Variants in PPIL6 observed in about 807,000 individuals in gnomAD.
PPIL6 encodes probable inactive peptidyl-prolyl cis-trans isomerase-like 6.
In PPIL6, 39 loss-of-function variants were observed where a neutral mutation model predicts 36.8. The ratio of observed to expected loss-of-function variants is 1.06; its 90% CI spans 0.82 to 1.38. The LOEUF (loss-of-function observed/expected upper bound fraction) is 1.38, where lower values mean the gene tolerates loss of function less well. PPIL6 is among the 40% of genes most tolerant of loss of function. The probability of loss-of-function intolerance (pLI) is 0.00; values close to 1 mark genes in which losing one functional copy is unlikely to be tolerated. For missense variants in PPIL6, 368 were observed against 379.1 expected, an observed-to-expected ratio of 0.97 and a Z score of 0.24; for synonymous variants, 123 against 134.1, an observed-to-expected ratio of 0.92 and a Z score of 0.57.
At chr6:109,397,539 T>A (rs534481958) in intron 7 of PPIL6, among the ~76,000 whole-genome samples, 2 of 152,304 alleles carry the variant, frequency 1.3e-5, no homozygotes, top group South Asian at 2.1e-4. Context: ...ACCTTGTCGC[T>A]CTTTTTCCCC....
intron 7 of PPIL6, among the ~76,000 whole-genome samples, chr6:109,396,057 G>A (rs1298227298): frequency 1.3e-5 from 2 of 151,938 alleles, no homozygotes; most frequent in Non-Finnish European, 2.9e-5. Context: ...GGATGGTCTC[G>A]ATCGCTTGAC....
At chr6:109,441,077 C>A (rs374122924), upstream of PPIL6, 14 of 1,608,704 alleles carry the variant, frequency 8.7e-6, no homozygotes, top group African/African-American at 1.9e-4. Flanking sequence ...CCGCGGCCGT[C>A]GCTGGAGAGT....
intron 1 of PPIL6, among the ~76,000 whole-genome samples, chr6:109,436,796 A>G (rs1403171171): frequency 6.6e-6 from 1 of 152,204 alleles, no homozygotes; most frequent in Admixed American, 6.5e-5. Context: ...CACCTGCCAC[A>G]ATCTCTGGCA....
At chr6:109,409,917 A>T (rs927490826) in intron 6 of PPIL6, among the ~76,000 whole-genome samples, 1 of 152,244 alleles carries the variant, frequency 6.6e-6, no homozygotes, top group African/African-American at 2.4e-5. Flanking sequence ...AGAAGAATCA[A>T]TATTATTTAA....
intron 6 of PPIL6, among the ~76,000 whole-genome samples, chr6:109,402,015 G>A (rs1303125559): frequency 1.3e-5 from 2 of 152,012 alleles, no homozygotes; most frequent in African/African-American, 2.4e-5. Context: ...GAGCCACCGC[G>A]CCCGGCCCAG....
At chr6:109,416,110 C>G (rs1773238470) in intron 6 of PPIL6, among the ~76,000 whole-genome samples, 1 of 151,852 alleles carries the variant, frequency 6.6e-6, no homozygotes, top group Non-Finnish European at 1.5e-5. Context: ...ATAAACCCAA[C>G]TGCATTGGCA....
chr6:109,416,897 G>C (rs1314505208), intron 6 of PPIL6, among the ~76,000 whole-genome samples: 1 of 152,072 alleles, frequency 6.6e-6, no homozygotes, highest in African/African-American at 2.4e-5. Flanking sequence ...GCTAGGCTTG[G>C]TGGCTCACAC....
At chr6:109,427,072 T>C (rs1246281861) in intron 4 of PPIL6, 22 bp downstream of exon 4, 1 of 1,601,596 alleles carries the variant, frequency 6.2e-7, no homozygotes, top group Admixed American at 1.7e-5. Context: ...CCCACAAACT[T>C]ACATATAAAA....
chr6:109,421,908 G>T lies in PPIL6; in HGVS notation c.632-2665C>A, dbSNP rs577509657. ...ATTTATTTTTTTGAGACAGAGTCTT[G>T]CTCTGTTGCCCAGGCTGGAGTGCAG... On this transcript the variant is annotated intron_variant, in intron 5 of 7. Coordinates refer to ENST00000521072, the MANE Select transcript of PPIL6 (RefSeq NM_173672.5). 3.3e-5 allele frequency among the ~76,000 whole-genome samples: 5 copies of T among 152,084 alleles called. No homozygotes were observed. In the East Asian group the frequency reaches 9.7e-4, roughly 30 times the overall value.
chr6:109,399,232 C>T (rs762323331), intron 7 of PPIL6, among the ~76,000 whole-genome samples: 24 of 151,894 alleles, frequency 1.6e-4, no homozygotes, highest in East Asian at 3.9e-4. Context: ...CTCAGCCTCC[C>T]GAGTAGCCGG....
Position 109,392,902 on chromosome 6 carries a change from A to G in PPIL6, c.860T>C (p.Leu287Pro), listed in dbSNP as rs776099194. The G allele has an allele frequency of 1.9e-6, 3 of 1,611,826 alleles. No individual in the cohort carries two copies. Among genetic ancestry groups the G allele is most frequent in the Non-Finnish European group, 2.5e-6 (3 of 1,178,568 alleles). ...TTCATTCTGTGTTGGAACTAATTCT[A>G]GTTGTTTAAGCACTTCTGTTCCTTC... Reference protein sequence around the residue: ...LIEGTEVLKQLELVPTQNERP... With the variant: ...LIEGTEVLKQPELVPTQNERP... The change falls in exon 8 of 8, where the codon CTA (leucine) becomes CCA (proline). Residue 287 changes from leucine to proline, a missense_variant. Physicochemically the swap from Leu to Pro is moderately conservative, Grantham distance 98 (BLOSUM62 -3). Transcript: ENST00000521072.
chr6:109,440,723 T>C (rs1285650609), upstream of PPIL6: 1 of 453,810 alleles, frequency 2.2e-6, no homozygotes, highest in Non-Finnish European at 3.0e-6. Flanking sequence ...GCTGGGCCTT[T>C]CCTCAACTTT....
At chr6:109,438,181 T>A (rs1774559720) in intron 1 of PPIL6, among the ~76,000 whole-genome samples, 1 of 152,092 alleles carries the variant, frequency 6.6e-6, no homozygotes, top group Non-Finnish European at 1.5e-5. Context: ...TTTCTTTGTG[T>A]TGGGAACATT....
chr6:109,430,660 T>C (rs1344616714), intron 3 of PPIL6, among the ~76,000 whole-genome samples: 1 of 152,146 alleles, frequency 6.6e-6, no homozygotes, highest in Non-Finnish European at 1.5e-5. Flanking sequence ...CTCTTGACCT[T>C]GTGATCCACC....
chr6:109,417,015 T>G (rs543626738), intron 6 of PPIL6, among the ~76,000 whole-genome samples: 1 of 151,682 alleles, frequency 6.6e-6, no homozygotes, highest in African/African-American at 2.4e-5. Flanking sequence ...AAATCTTTTT[T>G]TTAAAATTAG....
At chr6:109,430,148 GATGA>G (rs1480833698) in intron 3 of PPIL6, among the ~76,000 whole-genome samples, 1 of 152,230 alleles carries the variant, frequency 6.6e-6, no homozygotes, top group African/African-American at 2.4e-5. Flanking sequence ...GTTCAACAAG[GATGA>G]ATGAGACAAG....
intron 6 of PPIL6, among the ~76,000 whole-genome samples, chr6:109,400,833 G>GT (rs1352241786): frequency 6.6e-6 from 1 of 151,946 alleles, no homozygotes; most frequent in African/African-American, 2.4e-5. Flanking sequence ...GAAATTAATT[G>GT]TTTATTTTTA....
At chr6:109,401,916 G>C (rs1338748351) in intron 6 of PPIL6, among the ~76,000 whole-genome samples, 1 of 151,812 alleles carries the variant, frequency 6.6e-6, no homozygotes, top group Non-Finnish European at 1.5e-5. Flanking sequence ...GTGGAAACAG[G>C]GTTTCACCGT....
Position 109,431,242 on chromosome 6 carries a change from A to G in PPIL6, c.335T>C (p.Val112Ala), listed in dbSNP as rs199983515. ...ALDLQKWAHE[V>A]WDIVDIKPSA... Reference sequence around the variant, plus strand: ...GGGTTTAATGTCAACTATATCCCACACCTCGTGGGCCCATTTCTGCAGATC... The same window carrying G: ...GGGTTTAATGTCAACTATATCCCACGCCTCGTGGGCCCATTTCTGCAGATC... The change falls in exon 3 of 8, where the codon GTG becomes GCG. Residue 112 changes from valine (V) to alanine (A), a missense_variant. Val to Ala is a moderately conservative substitution (Grantham distance 64). Transcript: ENST00000521072. 727 of 1,612,408 alleles carry G rather than the reference A, an allele frequency of 4.5e-4. 6 individuals are homozygous for G. Among genetic ancestry groups the G allele is most frequent in the Middle Eastern group, 4.5e-3 (27 of 6,054 alleles).
Sources: allele counts gnomAD v4.1 joint callset (sites outside exome capture counted in the v4.1 genomes callset), GRCh38; gene constraint gnomAD v4.1.1; transcripts MANE v1.5; gene names NCBI Gene and HGNC (gene_info 2026-07-23, HGNC 2026-07-21).